The following EEFSEC variants were observed in gnomAD, a reference collection of about 807,000 sequenced individuals.
EEFSEC encodes eukaryotic elongation factor, selenocysteine-tRNA specific, also known as selenocysteine-specific elongation factor.
Under a neutral mutation model 42.1 loss-of-function variants are expected in EEFSEC, and 43 were observed. The ratio of observed to expected loss-of-function variants is 1.02; its 90% CI spans 0.80 to 1.32. The LOEUF is 1.32. Among genes scored for constraint, EEFSEC ranks in the 40% most tolerant of loss-of-function variants. The pLI is 0.00. For synonymous variants in EEFSEC, 354 were observed against 339.1 expected, an observed-to-expected ratio of 1.04 and a Z score of -0.48; for missense variants, 745 against 803.6, an observed-to-expected ratio of 0.93 and a Z score of 0.88.
intron 6 of EEFSEC, among the ~76,000 whole-genome samples, chr3:128,403,186 G>C (rs1355130165): frequency 6.6e-6 from 1 of 152,216 alleles, no homozygotes; most frequent in African/African-American, 2.4e-5. Flanking sequence ...GATTGGCAAA[G>C]ACAGGGGCCC....
intron 6 of EEFSEC, among the ~76,000 whole-genome samples, chr3:128,376,756 G>A (rs2067714595): frequency 1.3e-5 from 2 of 152,234 alleles, no homozygotes; most frequent in Admixed American, 1.3e-4. Context: ...GGATTCACCA[G>A]TGCCTAACTG....
At chr3:128,278,748 T>G (rs931429476) in intron 4 of EEFSEC, among the ~76,000 whole-genome samples, 5 of 152,214 alleles carry the variant, frequency 3.3e-5, no homozygotes, top group Non-Finnish European at 7.4e-5. Context: ...TGAAAGGGTC[T>G]GAGTGGCTCC....
chr3:128,384,424 C>G (rs1385832541), intron 6 of EEFSEC, among the ~76,000 whole-genome samples: 1 of 152,208 alleles, frequency 6.6e-6, no homozygotes, highest in Non-Finnish European at 1.5e-5. Context: ...TGGGGTGTCC[C>G]AGGATGGAGA....
At chr3:128,187,234 G>A (rs1162231537) in intron 1 of EEFSEC, among the ~76,000 whole-genome samples, 1 of 152,132 alleles carries the variant, frequency 6.6e-6, no homozygotes, top group Non-Finnish European at 1.5e-5. Context: ...ATATTTAATT[G>A]GTTCAGGGAT....
intron 2 of EEFSEC, among the ~76,000 whole-genome samples, chr3:128,248,878 T>C (rs1287319912): frequency 6.6e-6 from 1 of 152,256 alleles, no homozygotes; most frequent in Non-Finnish European, 1.5e-5. Flanking sequence ...GATCAAATTA[T>C]GGACTTTATC....
chr3:128,384,125 G>A (rs1380713549), intron 6 of EEFSEC, among the ~76,000 whole-genome samples: 1 of 152,204 alleles, frequency 6.6e-6, no homozygotes, highest in African/African-American at 2.4e-5. Context: ...AGCTAAGGAG[G>A]CCTTCTTAGA....
At chr3:128,290,157 T>C (rs930314393) in intron 4 of EEFSEC, among the ~76,000 whole-genome samples, 5 of 152,236 alleles carry the variant, frequency 3.3e-5, no homozygotes, top group Admixed American at 6.5e-5. Flanking sequence ...TGCCTTTGCC[T>C]ATCCCAGAAT....
chr3:128,396,460 C>G (rs971775797), intron 6 of EEFSEC, among the ~76,000 whole-genome samples: 2 of 152,206 alleles, frequency 1.3e-5, no homozygotes, highest in Non-Finnish European at 2.9e-5. Flanking sequence ...ACAGAAAGCA[C>G]TTTTCTGATC....
intron 1 of EEFSEC, among the ~76,000 whole-genome samples, chr3:128,159,516 C>T (rs1439212696): frequency 6.6e-6 from 1 of 152,212 alleles, no homozygotes; most frequent in Non-Finnish European, 1.5e-5. Context: ...CAGCCCTACA[C>T]TTGACAAGAC....
chr3:128,341,998 T>C, intron 5 of EEFSEC, 109 bp downstream of exon 5: 4 of 1,407,176 alleles, frequency 2.8e-6, no homozygotes, highest in Non-Finnish European at 2.8e-6. Context: ...AGAGACCTTC[T>C]GGTGCCAACC....
At chr3:128,155,147 G>A (rs960672636) in intron 1 of EEFSEC, among the ~76,000 whole-genome samples, 2 of 151,546 alleles carry the variant, frequency 1.3e-5, no homozygotes, top group African/African-American at 4.9e-5. Context: ...ATGGAGTCTC[G>A]CTCTGTTACC....
chr3:128,425,472 G>C, the EEFSEC span, among the ~76,000 whole-genome samples: 3,279 of 152,348 alleles, frequency 0.022, 117 homozygotes, highest in African/African-American at 0.074. Context: ...CACTCTTGTG[G>C]GGTTTTGTGT....
At chr3:128,162,180 C>T (rs2065195972) in intron 1 of EEFSEC, among the ~76,000 whole-genome samples, 1 of 152,204 alleles carries the variant, frequency 6.6e-6, no homozygotes, top group Non-Finnish European at 1.5e-5. Flanking sequence ...CCTTAGTTCC[C>T]TGTTTCTTTG....
At chr3:128,304,515 G>A (rs1232840404) in intron 4 of EEFSEC, among the ~76,000 whole-genome samples, 1 of 151,922 alleles carries the variant, frequency 6.6e-6, no homozygotes, top group Non-Finnish European at 1.5e-5. Flanking sequence ...CTTCGGTATT[G>A]TTTTTATTGT....
chr3:128,331,905 CTG>C (rs1386030733), intron 4 of EEFSEC, among the ~76,000 whole-genome samples: 1 of 151,988 alleles, frequency 6.6e-6, no homozygotes, highest in Non-Finnish European at 1.5e-5. Context: ...AAAACTGAAA[CTG>C]TGTCCCACAA....
intron 4 of EEFSEC, among the ~76,000 whole-genome samples, chr3:128,316,146 C>T (rs1471190309): frequency 6.6e-6 from 1 of 152,108 alleles, no homozygotes; most frequent in Non-Finnish European, 1.5e-5. Flanking sequence ...TTTCAAAGAG[C>T]GTGGTATTTA....
At chr3:128,413,978 GC>G in the EEFSEC span, among the ~76,000 whole-genome samples, 6,586 of 152,320 alleles carry the variant, frequency 0.043, 484 homozygotes, top group African/African-American at 0.15. Context: ...CCGCCGAGGG[GC>G]CGCTGGGCCC....
chr3:128,334,985 G>A (rs990046925), intron 4 of EEFSEC, among the ~76,000 whole-genome samples: 3 of 152,186 alleles, frequency 2.0e-5, no homozygotes, highest in Non-Finnish European at 2.9e-5. Context: ...CCTCCCATTT[G>A]GTAGACTCTT....
chr3:128,244,348 G>C (rs2955086), intron 1 of EEFSEC, among the ~76,000 whole-genome samples: 127,201 of 151,858 alleles, frequency 0.84, 53,745 homozygotes, highest in East Asian at 0.99. Context: ...TGGGGCCATG[G>C]AGAGAGGGCG....
Sources: allele counts gnomAD v4.1 joint callset (sites outside exome capture counted in the v4.1 genomes callset), GRCh38; gene constraint gnomAD v4.1.1; transcripts MANE v1.5; gene names NCBI Gene and HGNC (gene_info 2026-07-23, HGNC 2026-07-21).